Variants in ERGIC1 observed in about 807,000 individuals in gnomAD.
The protein encoded by ERGIC1 is endoplasmic reticulum-Golgi intermediate compartment protein 1.
In ERGIC1, 19 loss-of-function variants were observed where a neutral mutation model predicts 38.3. The ratio of observed to expected loss-of-function variants is 0.50; its 90% confidence interval spans 0.35 to 0.73. The LOEUF is 0.73. Ranked by LOEUF, ERGIC1 falls within the 30% of genes least tolerant of loss-of-function variation. ERGIC1 has a pLI of 0.01. For missense variants in ERGIC1, 294 were observed against 389.2 expected, an observed-to-expected ratio of 0.76 and a Z score of 2.06; for synonymous variants, 124 against 157.6, an observed-to-expected ratio of 0.79 and a Z score of 1.60.
chr5:172,873,621 G>A (rs980241251), intron 1 of ERGIC1, among the ~76,000 whole-genome samples: 4 of 152,226 alleles, frequency 2.6e-5, no homozygotes, highest in Admixed American at 2.6e-4. Flanking sequence ...GGGAGCTTTG[G>A]GGAGGCCAGG....
At chr5:172,943,656 T>C (rs142289395) in intron 9 of ERGIC1, among the ~76,000 whole-genome samples, 1,779 of 152,204 alleles carry the variant, frequency 0.012, 34 homozygotes, top group African/African-American at 0.041. Context: ...CAACTGAGGC[T>C]CAGAGAGGTA....
chr5:172,843,016 C>CAT (rs1761196039), intron 1 of ERGIC1, among the ~76,000 whole-genome samples: 4 of 152,096 alleles, frequency 2.6e-5, no homozygotes, highest in African/African-American at 9.7e-5. Flanking sequence ...TGGTGGTATG[C>CAT]GCCTGTAGTC....
intron 9 of ERGIC1, among the ~76,000 whole-genome samples, chr5:172,948,807 G>C (rs993078827): frequency 2.0e-5 from 3 of 152,186 alleles, no homozygotes; most frequent in Admixed American, 6.5e-5. Flanking sequence ...CTAGCACTTT[G>C]GGGGGCTGAG....
rs757338251 is a variant in ERGIC1, at chr5:172,926,570, G to T, written c.541+1G>T. The T allele has an allele frequency of 1.2e-6, 2 of 1,612,118 alleles. No individual in the cohort carries two copies. Among genetic ancestry groups the T allele is most frequent in the Non-Finnish European group, 8.5e-7 (1 of 1,179,952 alleles). On this transcript the variant is annotated splice_donor_variant, in intron 7 of 9. Coordinates refer to ENST00000393784, the MANE Select transcript of ERGIC1 (RefSeq NM_001031711.3). LOFTEE classifies it high-confidence loss of function. The surrounding 1 kb of genome is among the most constrained non-coding windows in gnomAD (Gnocchi z 5.2). Reference sequence around the variant, plus strand: ...GGAGCAGACAGACTCACCTCCAACCGTATGTATCCCTGCTGGGAACAGCCT... The same window carrying T: ...GGAGCAGACAGACTCACCTCCAACCTTATGTATCCCTGCTGGGAACAGCCT...
At chr5:172,949,109 T>A (rs1460079323) in intron 9 of ERGIC1, among the ~76,000 whole-genome samples, 3 of 152,224 alleles carry the variant, frequency 2.0e-5, no homozygotes, top group African/African-American at 7.2e-5. Flanking sequence ...CCATCATCCA[T>A]GCTTTGATTC....
rs376307473 is a variant in ERGIC1, at chr5:172,935,240, G to A, written c.695G>A (p.Arg232His). ...CGCATCATCCCTGCAATCTGGTTCC[G>A]CTACGACCTCAGCCCCATCACGGTC... The part of the protein sequence containing the change: ...TGRIIPAIWF[R>H]YDLSPITVKY... Residue 232 changes from arginine (R) to histidine (H), a missense_variant, in exon 9 of 10, where the codon CGC becomes CAC. Arg to His is a conservative substitution (Grantham distance 29). Around this residue, in one of 3 missense-constraint regions of ERGIC1, gnomAD observed 109 missense variants for 112.7 expected, o/e 0.97. Transcript: ENST00000393784. 75 of 1,614,014 alleles carry A rather than the reference G, an allele frequency of 4.6e-5. No homozygotes were observed. Among genetic ancestry groups the A allele is most frequent in the African/African-American group, 5.3e-5 (4 of 74,898 alleles).
At chr5:172,867,312 C>G in intron 1 of ERGIC1, 1 of 419,500 alleles carries the variant, frequency 2.4e-6, no homozygotes, top group Non-Finnish European at 4.9e-6. Flanking sequence ...GTGGGCAGGT[C>G]CAGTTTGGAT....
chr5:172,875,770 T>C (rs1762128610), intron 1 of ERGIC1, among the ~76,000 whole-genome samples: 1 of 152,132 alleles, frequency 6.6e-6, no homozygotes, highest in African/African-American at 2.4e-5. Context: ...TTTTTAATAT[T>C]TTGTGGAGAC....
intron 1 of ERGIC1, among the ~76,000 whole-genome samples, chr5:172,844,278 A>T (rs947394522): frequency 6.6e-6 from 1 of 152,234 alleles, no homozygotes; most frequent in Non-Finnish European, 1.5e-5. Context: ...GATGTGGGCC[A>T]TGGCCACCTG....
At chr5:172,886,260 G>A (rs185927743) in intron 1 of ERGIC1, among the ~76,000 whole-genome samples, 12 of 152,176 alleles carry the variant, frequency 7.9e-5, no homozygotes, top group Admixed American at 5.9e-4. Context: ...AGAGGACAGC[G>A]CCCAGCTTCC....
chr5:172,935,214 C>T lies in ERGIC1; in HGVS notation c.669C>T (p.Gly223=), dbSNP rs1170041596. Residue 223 remains glycine (G), a synonymous_variant, in exon 9 of 10, where the codon GGC becomes GGT. Coordinates refer to ENST00000393784, the MANE Select transcript of ERGIC1 (RefSeq NM_001031711.3). ...AATACGTCGCCTACAGCCACACGGG[C>T]CGCATCATCCCTGCAATCTGGTTCC... ...NKEYVAYSHT[G]RIIPAIWFRY... The T allele has an allele frequency of 1.9e-6, 3 of 1,614,076 alleles. No homozygotes were observed. The highest frequency in any genetic ancestry group is 2.7e-5 in the African/African-American group (2 of 74,922).
chr5:172,916,054 T>C (rs955165277), intron 5 of ERGIC1: 2 of 178,852 alleles, frequency 1.1e-5, no homozygotes, highest in African/African-American at 4.8e-5. Flanking sequence ...CTGGCACCAA[T>C]GGGCAGTGTT....
chr5:172,835,184 G>A (rs1466069208), intron 1 of ERGIC1, among the ~76,000 whole-genome samples: 2 of 152,238 alleles, frequency 1.3e-5, no homozygotes, highest in African/African-American at 4.8e-5. Context: ...TTCCCTTGAG[G>A]TGTGGAGCCC....
chr5:172,863,013 C>T (rs1428704720), intron 1 of ERGIC1, among the ~76,000 whole-genome samples: 3 of 152,154 alleles, frequency 2.0e-5, no homozygotes, highest in African/African-American at 7.2e-5. Flanking sequence ...ACGAACTCTC[C>T]CTCTGTCACC....
chr5:172,915,314 G>A, intron 5 of ERGIC1: 1 of 507,568 alleles, frequency 2.0e-6, no homozygotes, highest in Non-Finnish European at 3.7e-6. Flanking sequence ...GTGTTCCAGG[G>A]TCGGTGATAG....
chr5:172,892,547 AG>A (rs1270307541), intron 2 of ERGIC1, among the ~76,000 whole-genome samples: 1 of 152,138 alleles, frequency 6.6e-6, no homozygotes, highest in East Asian at 1.9e-4. Context: ...TGGCCGTACC[AG>A]GTTTCCTACC....
chr5:172,895,576 G>C (rs1561722979), intron 2 of ERGIC1, among the ~76,000 whole-genome samples: 1 of 152,116 alleles, frequency 6.6e-6, no homozygotes, highest in Non-Finnish European at 1.5e-5. Flanking sequence ...CTGGATATCA[G>C]TCTAGTGGGA....
At chr5:172,944,659 A>G (rs971078362) in intron 9 of ERGIC1, among the ~76,000 whole-genome samples, 56 of 152,254 alleles carry the variant, frequency 3.7e-4, no homozygotes, top group African/African-American at 1.3e-3. Flanking sequence ...GCACCCGGCC[A>G]GTCTTCCCAT....
intron 2 of ERGIC1, among the ~76,000 whole-genome samples, chr5:172,893,935 G>GTGTGTGTATATA (rs1429850022): frequency 9.3e-5 from 4 of 42,818 alleles, no homozygotes; most frequent in Non-Finnish European, 1.4e-4. Context: ...GTGTGTGTGT[G>GTGTGTGTATATA]TATATATATA....
Sources: allele counts gnomAD v4.1 joint callset (sites outside exome capture counted in the v4.1 genomes callset), GRCh38; gene constraint gnomAD v4.1.1; regional missense constraint gnomAD v4.1.1; non-coding constraint Gnocchi (gnomAD v3.1); transcripts MANE v1.5; gene names NCBI Gene and HGNC (gene_info 2026-07-23, HGNC 2026-07-21).